The following SAMMSON variants were observed in gnomAD, a reference collection of about 807,000 sequenced individuals.
The protein encoded by SAMMSON is survival associated mitochondrial melanoma specific oncogenic non-coding RNA, also known as long intergenic non-protein coding RNA 1212.
At position 70,243,330 on chromosome 3, in the gene SAMMSON, T is replaced by A. The variant is rs62256475; in HGVS notation, n.508-5777T>A. Among the ~76,000 whole-genome samples, 1,025 of 152,290 alleles carry A rather than the reference T, an allele frequency of 6.7e-3. 8 individuals carry two copies. Among genetic ancestry groups the A allele is most frequent in the Non-Finnish European group, 0.012 (815 of 68,014 alleles). On this transcript the variant is annotated intron_variant and non_coding_transcript_variant, in intron 4 of 9. Transcript: ENST00000642114. Reference sequence around the variant, plus strand: ...TAATTTTCATTTTTCTTTGTTTTCCTTAAAATTGGGGTTGTATTTGGCTCA... The same window carrying A: ...TAATTTTCATTTTTCTTTGTTTTCCATAAAATTGGGGTTGTATTTGGCTCA...
At chr3:70,067,425 G>T (rs914173489) in intron 3 of SAMMSON, among the ~76,000 whole-genome samples, 3 of 151,938 alleles carry the variant, frequency 2.0e-5, no homozygotes, top group Non-Finnish European at 4.4e-5. Context: ...ATAGGTACTG[G>T]TTTTTTTCTT....
chr3:70,048,693 AC>A (rs1189612555), intron 3 of SAMMSON, among the ~76,000 whole-genome samples: 6 of 152,086 alleles, frequency 3.9e-5, no homozygotes, highest in South Asian at 4.1e-4. Flanking sequence ...TACAATACTT[AC>A]CTTTACTAAC....
intron 4 of SAMMSON, among the ~76,000 whole-genome samples, chr3:70,103,240 A>C (rs772946292): frequency 6.6e-6 from 1 of 152,204 alleles, no homozygotes; most frequent in Non-Finnish European, 1.5e-5. Context: ...TGATTTAACA[A>C]ATTAAAAAAC....
chr3:70,099,504 G>T (rs186816777), intron 4 of SAMMSON, among the ~76,000 whole-genome samples: 1 of 152,150 alleles, frequency 6.6e-6, no homozygotes, highest in Non-Finnish European at 1.5e-5. Context: ...TAGGGTTTGT[G>T]TTCTGGAAAT....
rs573887055 is a variant in SAMMSON, at chr3:70,200,545, G to A, written n.508-48562G>A. On this transcript the variant is annotated intron_variant and non_coding_transcript_variant, in intron 4 of 9. Coordinates refer to ENST00000642114, the Ensembl canonical transcript of SAMMSON. ...ACCCAACTCCTATTCAAACATTTAA[G>A]TTTTTAGCTTTAAACACCTTCCCTT... Among the ~76,000 whole-genome samples the A allele has an allele frequency of 9.2e-5, 14 of 152,254 alleles. No homozygotes were observed. The South Asian group carries it at 2.9e-3, about 32-fold the overall frequency.
chr3:70,362,268 G>A (rs2106740564), intron 9 of SAMMSON, among the ~76,000 whole-genome samples: 1 of 152,238 alleles, frequency 6.6e-6, no homozygotes, highest in East Asian at 1.9e-4. Context: ...TCAAGTCCAA[G>A]ATTAAACATT....
intron 4 of SAMMSON, among the ~76,000 whole-genome samples, chr3:70,162,066 G>C (rs1274500298): frequency 6.6e-6 from 1 of 151,444 alleles, no homozygotes; most frequent in Non-Finnish European, 1.5e-5. Context: ...AATTTTGTCA[G>C]TGATTCCAAA....
intron 4 of SAMMSON, among the ~76,000 whole-genome samples, chr3:70,098,208 T>C (rs577116570): frequency 2.5e-4 from 38 of 152,302 alleles, no homozygotes; most frequent in Non-Finnish European, 5.0e-4. Flanking sequence ...AGTCAGCATC[T>C]TGTCCAAACC....
At chr3:70,310,292 G>T (rs967824452) in intron 7 of SAMMSON, among the ~76,000 whole-genome samples, 7 of 151,912 alleles carry the variant, frequency 4.6e-5, no homozygotes, top group Middle Eastern at 3.2e-3. Context: ...AAATTGCTTG[G>T]TGGGGAATTG....
intron 4 of SAMMSON, among the ~76,000 whole-genome samples, chr3:70,193,993 T>C (rs557945402): frequency 6.6e-6 from 1 of 152,352 alleles, no homozygotes; most frequent in South Asian, 2.1e-4. Context: ...TTGTCCAGCA[T>C]TGATAATTAA....
intron 4 of SAMMSON, among the ~76,000 whole-genome samples, chr3:70,083,092 C>T (rs999598179): frequency 1.3e-5 from 2 of 152,092 alleles, no homozygotes; most frequent in Non-Finnish European, 2.9e-5. Context: ...AACCTCAGAC[C>T]CCAAGGACTT....
At chr3:70,159,461 G>A (rs944847056) in intron 4 of SAMMSON, 1 of 151,970 alleles carries the variant, frequency 6.6e-6, no homozygotes, top group Non-Finnish European at 1.5e-5. Context: ...AGCATTTTGA[G>A]AAACTTCTAA....
intron 7 of SAMMSON, among the ~76,000 whole-genome samples, chr3:70,304,236 C>T (rs566085099): frequency 1.5e-4 from 23 of 152,264 alleles, no homozygotes; most frequent in Admixed American, 5.9e-4. Flanking sequence ...TTTCCTGCCC[C>T]AGTGCCTGTA....
intron 1 of SAMMSON, among the ~76,000 whole-genome samples, chr3:70,000,404 A>G (rs1044984435): frequency 2.0e-5 from 3 of 152,242 alleles, no homozygotes; most frequent in African/African-American, 7.2e-5. Context: ...TTTAACTTAT[A>G]GAACTATAAT....
chr3:70,131,303 A>G (rs1195188294), intron 4 of SAMMSON, among the ~76,000 whole-genome samples: 2 of 152,200 alleles, frequency 1.3e-5, no homozygotes, highest in Non-Finnish European at 2.9e-5. Context: ...TTTCCTCTAC[A>G]GTCAAAATTA....
At chr3:70,198,802 C>T (rs1370023377) in intron 4 of SAMMSON, among the ~76,000 whole-genome samples, 1 of 152,194 alleles carries the variant, frequency 6.6e-6, no homozygotes, top group Non-Finnish European at 1.5e-5. Context: ...CTGTATTTTT[C>T]TTCACTTAGA....
chr3:70,125,698 G>T (rs962316652), intron 4 of SAMMSON: 2 of 694,644 alleles, frequency 2.9e-6, no homozygotes, highest in South Asian at 1.5e-5. Flanking sequence ...AAATACATCC[G>T]AAGGTAACAG....
chr3:70,229,533 A>G (rs1701539457), intron 4 of SAMMSON, among the ~76,000 whole-genome samples: 1 of 152,206 alleles, frequency 6.6e-6, no homozygotes, highest in African/African-American at 2.4e-5. Flanking sequence ...AGCAGGACAT[A>G]AAAATAGTTC....
chr3:70,355,899 A>G (rs984735509), intron 8 of SAMMSON, among the ~76,000 whole-genome samples: 12 of 152,182 alleles, frequency 7.9e-5, no homozygotes, highest in Non-Finnish European at 1.8e-4. Flanking sequence ...TTCTTATCAC[A>G]TTTTATTTAT....
Sources: allele counts gnomAD v4.1 joint callset (sites outside exome capture counted in the v4.1 genomes callset), GRCh38; gene constraint gnomAD v4.1.1; transcripts MANE v1.5; gene names NCBI Gene and HGNC (gene_info 2026-07-23, HGNC 2026-07-21).